Variants in CNTNAP5 observed in about 807,000 individuals in gnomAD.
CNTNAP5 encodes contactin-associated protein-like 5.
In CNTNAP5, 72 loss-of-function variants were observed where a neutral mutation model predicts 150.2. The observed-to-expected ratio is 0.48, with a 90% CI of 0.40 to 0.58. The LOEUF (loss-of-function observed/expected upper bound fraction) is 0.58. Among genes scored for constraint, CNTNAP5 ranks in the 20% least tolerant of loss-of-function variants. CNTNAP5 has a pLI of 0.00. For missense variants in CNTNAP5, 1,636 were observed against 1,626.2 expected (o/e 1.01, Z -0.10); for synonymous variants, 672 against 619.8 (o/e 1.08, Z -1.25).
intron 3 of CNTNAP5, among the ~76,000 whole-genome samples, chr2:124,415,638 T>C (rs1691898482): frequency 6.6e-6 from 1 of 152,146 alleles, no homozygotes; most frequent in South Asian, 2.1e-4. Flanking sequence ...CTATGAATAT[T>C]AGAAGGTGAA....
chr2:124,643,234 G>C (rs760477002), intron 12 of CNTNAP5, among the ~76,000 whole-genome samples: 84 of 152,142 alleles, frequency 5.5e-4, no homozygotes, highest in Non-Finnish European at 1.0e-3. Context: ...AATTGATCTG[G>C]GTTAGTCAAT....
chr2:124,391,791 T>TA (rs200286769), intron 3 of CNTNAP5, among the ~76,000 whole-genome samples: 15,720 of 151,864 alleles, frequency 0.1, 1,180 homozygotes, highest in African/African-American at 0.22. Context: ...CCGTCTCTAC[T>TA]AAAAAATACA....
At chr2:124,329,158 G>T (rs1040160757) in intron 3 of CNTNAP5, among the ~76,000 whole-genome samples, 5 of 152,136 alleles carry the variant, frequency 3.3e-5, no homozygotes, top group Non-Finnish European at 7.4e-5. Context: ...GATAAAGTTC[G>T]TCTGAGCTCT....
chr2:124,725,164 A>C (rs1235303711), intron 13 of CNTNAP5, among the ~76,000 whole-genome samples: 1 of 152,056 alleles, frequency 6.6e-6, no homozygotes, highest in Non-Finnish European at 1.5e-5. Flanking sequence ...GTGTGTAAGA[A>C]ATGTGTGATG....
intron 3 of CNTNAP5, among the ~76,000 whole-genome samples, chr2:124,308,682 G>A (rs1242330957): frequency 1.3e-5 from 2 of 152,168 alleles, no homozygotes; most frequent in African/African-American, 4.8e-5. Flanking sequence ...TCTTCTAAAT[G>A]AAGTATCAGG....
At chr2:124,564,282 A>T (rs184205964) in intron 11 of CNTNAP5, among the ~76,000 whole-genome samples, 1 of 152,320 alleles carries the variant, frequency 6.6e-6, no homozygotes, top group East Asian at 1.9e-4. Flanking sequence ...GCTAGGGTGT[A>T]CACAAGATAA....
chr2:124,591,312 G>A (rs1696676594), intron 11 of CNTNAP5, among the ~76,000 whole-genome samples: 1 of 152,138 alleles, frequency 6.6e-6, no homozygotes, highest in Non-Finnish European at 1.5e-5. Flanking sequence ...TTTAGAGCTT[G>A]TGTAAGATGT....
chr2:124,660,923 A>G (rs1254404521), intron 13 of CNTNAP5, among the ~76,000 whole-genome samples: 2 of 147,480 alleles, frequency 1.4e-5, no homozygotes, highest in Non-Finnish European at 3.0e-5. Context: ...CAGTCTGGGC[A>G]ACAGAGTGAG....
At chr2:124,783,765 A>G (rs371902312) in intron 17 of CNTNAP5, among the ~76,000 whole-genome samples, 1 of 152,164 alleles carries the variant, frequency 6.6e-6, no homozygotes, top group South Asian at 2.1e-4. Context: ...CGTTCTGATC[A>G]CTATTATTAT....
chr2:124,544,916 C>T (rs1695478559), intron 10 of CNTNAP5, among the ~76,000 whole-genome samples: 1 of 152,080 alleles, frequency 6.6e-6, no homozygotes. Flanking sequence ...AGCCCCTTCT[C>T]CCAAAGACAA....
intron 3 of CNTNAP5, among the ~76,000 whole-genome samples, chr2:124,253,961 A>G (rs574913737): frequency 3.0e-4 from 45 of 152,026 alleles, no homozygotes; most frequent in Non-Finnish European, 6.0e-4. Context: ...TTATGAACGG[A>G]TTTGGAGCAT....
At chr2:124,455,439 G>A (rs917428045) in intron 6 of CNTNAP5, among the ~76,000 whole-genome samples, 2 of 152,050 alleles carry the variant, frequency 1.3e-5, no homozygotes, top group Non-Finnish European at 2.9e-5. Flanking sequence ...TCCAGGACCA[G>A]ACAGTTTCAC....
intron 13 of CNTNAP5, among the ~76,000 whole-genome samples, chr2:124,677,898 C>G (rs1418936248): frequency 6.6e-6 from 1 of 151,910 alleles, no homozygotes. Flanking sequence ...GTAAAGTAAG[C>G]AGAAAGGTTT....
chr2:124,289,581 A>C (rs894164104), intron 3 of CNTNAP5, among the ~76,000 whole-genome samples: 2 of 152,250 alleles, frequency 1.3e-5, no homozygotes, highest in African/African-American at 4.8e-5. Context: ...AAATCTATAC[A>C]TTTATAACCA....
intron 1 of CNTNAP5, among the ~76,000 whole-genome samples, chr2:124,052,456 T>C (rs1681724924): frequency 6.6e-6 from 1 of 152,210 alleles, no homozygotes; most frequent in Non-Finnish European, 1.5e-5. Flanking sequence ...GTTTACGTTA[T>C]TCCCTCTCAA....
intron 18 of CNTNAP5, among the ~76,000 whole-genome samples, chr2:124,791,701 T>C (rs1681732854): frequency 6.6e-6 from 1 of 151,270 alleles, no homozygotes; most frequent in African/African-American, 2.4e-5. Flanking sequence ...TTCTTTTTTT[T>C]TTTTTTTTTT....
chr2:124,059,610 C>CT (rs66485728), intron 1 of CNTNAP5, among the ~76,000 whole-genome samples: 6,951 of 150,960 alleles, frequency 0.046, 238 homozygotes, highest in East Asian at 0.12. Flanking sequence ...ACTGCATTTT[C>CT]TTTTTTTTTT....
chr2:124,113,973 G>C (rs1333676403), intron 1 of CNTNAP5, among the ~76,000 whole-genome samples: 1 of 151,376 alleles, frequency 6.6e-6, no homozygotes, highest in East Asian at 1.9e-4. Flanking sequence ...ATATCCCCCT[G>C]ATCTATTTGC....
At chr2:124,706,793 A>AG (rs1200187433) in intron 13 of CNTNAP5, among the ~76,000 whole-genome samples, 23 of 24,204 alleles carry the variant, frequency 9.5e-4, no homozygotes, top group African/African-American at 1.8e-3. Flanking sequence ...AAGAAGAAGA[A>AG]GAAGGAGGAG....
Sources: allele counts gnomAD v4.1 joint callset (sites outside exome capture counted in the v4.1 genomes callset), GRCh38; gene constraint gnomAD v4.1.1; transcripts MANE v1.5; gene names NCBI Gene and HGNC (gene_info 2026-07-23, HGNC 2026-07-21).